The following WLS variants were observed in gnomAD, a reference collection of about 807,000 sequenced individuals.
WLS encodes Wnt ligand secretion mediator, also known as protein wntless homolog.
In WLS, 23 loss-of-function variants were observed where a neutral mutation model predicts 62.8. That is an observed-to-expected ratio of 0.37 (90% confidence interval 0.26 to 0.52). The LOEUF (loss-of-function observed/expected upper bound fraction) is 0.52, where lower values mean the gene tolerates loss of function less well. Among genes scored for constraint, WLS ranks in the 20% least tolerant of loss-of-function variants. The pLI, the probability that WLS is intolerant of heterozygous loss-of-function variation, is 0.92. For missense variants in WLS, 615 were observed against 697.3 expected (o/e 0.88, Z 1.33); for synonymous variants, 246 against 244.1 (o/e 1.01, Z -0.07).
At chr1:68,111,206 A>T (rs1314401834) in intron 11 of WLS, among the ~76,000 whole-genome samples, 1 of 152,178 alleles carries the variant, frequency 6.6e-6, no homozygotes, top group Non-Finnish European at 1.5e-5. Flanking sequence ...GCCTGAGCTA[A>T]GACAGCTTTA....
chr1:68,159,499 C>T (rs1454386627), intron 2 of WLS, among the ~76,000 whole-genome samples: 2 of 151,526 alleles, frequency 1.3e-5, no homozygotes, highest in African/African-American at 4.9e-5. Context: ...ACAGGGGCCT[C>T]ACTCTCTCTG....
chr1:68,102,986 C>CTT (rs5774906), intron 11 of WLS, among the ~76,000 whole-genome samples: 3 of 151,952 alleles, frequency 2.0e-5, no homozygotes, highest in African/African-American at 7.2e-5. Context: ...GCTCTGAACC[C>CTT]TTTTTTTTGC....
chr1:68,218,769 G>A (rs1179388721), intron 1 of WLS, among the ~76,000 whole-genome samples: 7 of 152,168 alleles, frequency 4.6e-5, no homozygotes, highest in East Asian at 1.9e-4. Flanking sequence ...AGGAATGTGC[G>A]AATGAATTCA....
chr1:68,145,481 C>T (rs1646740114), intron 9 of WLS, among the ~76,000 whole-genome samples: 1 of 152,050 alleles, frequency 6.6e-6, no homozygotes, highest in African/African-American at 2.4e-5. Context: ...GTGGGCTAAA[C>T]CCTGTTTAAT....
At chr1:68,132,583 G>A (rs1006301204) in intron 11 of WLS, among the ~76,000 whole-genome samples, 2 of 152,154 alleles carry the variant, frequency 1.3e-5, no homozygotes, top group Non-Finnish European at 2.9e-5. Context: ...CTGCCAAGAC[G>A]CGGAACCAGT....
At chr1:68,187,043 C>G (rs1647991496) in intron 2 of WLS, among the ~76,000 whole-genome samples, 1 of 151,692 alleles carries the variant, frequency 6.6e-6, no homozygotes, top group Non-Finnish European at 1.5e-5. Flanking sequence ...AACCTCATCT[C>G]TACTAAAAAT....
intron 2 of WLS, chr1:68,186,547 G>C (rs1647951390): frequency 2.2e-6 from 1 of 451,550 alleles, no homozygotes; most frequent in Non-Finnish European, 4.4e-6. Context: ...TACATATGAA[G>C]TAATATTGTT....
At chr1:68,125,222 A>G (rs1382535845), downstream of WLS, 9 of 799,318 alleles carry the variant, frequency 1.1e-5, no homozygotes, top group Admixed American at 6.2e-5. Context: ...AGAAAATGTC[A>G]CTCTTTCTCC....
At chr1:68,120,404 T>TAACA (rs1327529557), downstream of WLS, among the ~76,000 whole-genome samples, 1 of 152,236 alleles carries the variant, frequency 6.6e-6, no homozygotes, top group African/African-American at 2.4e-5. Context: ...AAGGCTGGAC[T>TAACA]AACATCTCCC....
downstream of WLS, among the ~76,000 whole-genome samples, chr1:68,121,713 G>T (rs1646365812): frequency 6.6e-6 from 1 of 152,194 alleles, no homozygotes; most frequent in African/African-American, 2.4e-5. Context: ...CTGACCAACT[G>T]CACTGACATC....
chr1:68,230,999 G>A (rs1189551956), intron 1 of WLS, among the ~76,000 whole-genome samples: 2 of 152,182 alleles, frequency 1.3e-5, no homozygotes, highest in East Asian at 3.9e-4. Flanking sequence ...CACGCGCGGA[G>A]AAAGCCCCTC....
chr1:68,192,940 CAAAAA>C (rs112624515), intron 2 of WLS, among the ~76,000 whole-genome samples: 1 of 126,740 alleles, frequency 7.9e-6, no homozygotes, highest in Non-Finnish European at 1.6e-5. Context: ...ACTAAAAATA[CAAAAA>C]AAAAAAAAAA....
chr1:68,126,437 T>C (rs1224341139), intron 11 of WLS, 102 bp from the exon 12 acceptor site: 2 of 1,470,422 alleles, frequency 1.4e-6, no homozygotes, highest in East Asian at 4.9e-5. Flanking sequence ...CTCTTTGACA[T>C]TCTGAGCACA....
At chr1:68,156,388 CAA>C (rs1163682013) in intron 3 of WLS, among the ~76,000 whole-genome samples, 2 of 152,164 alleles carry the variant, frequency 1.3e-5, no homozygotes, top group Non-Finnish European at 2.9e-5. Context: ...AAGAAGATAA[CAA>C]AGAGTCCATA....
At chr1:68,123,128 G>A, downstream of WLS, among the ~76,000 whole-genome samples, 1 of 151,964 alleles carries the variant, frequency 6.6e-6, no homozygotes, top group South Asian at 2.1e-4. Flanking sequence ...TTTTACTCTG[G>A]CTCTTCTCGG....
rs989947057 is a variant in WLS, at chr1:68,125,772, G to A, written c.*454C>T. ...AAAAAACAGTGGTCATGGATTAGGA[G>A]TGAGAAGACTATGACACCAGCCTAC... On this transcript the variant is annotated 3_prime_UTR_variant, in exon 12 of 12. Coordinates refer to ENST00000262348, the MANE Select transcript of WLS (RefSeq NM_024911.7). The A allele has an allele frequency of 2.6e-5, 26 of 989,996 alleles. No homozygotes were observed. In the East Asian group the frequency reaches 2.0e-3, roughly 76 times the overall value. 61.3% of individuals were successfully genotyped at this position (989,996 alleles called of 1,614,324 possible).
intron 5 of WLS, among the ~76,000 whole-genome samples, chr1:68,153,059 A>G (rs1646848587): frequency 6.6e-6 from 1 of 152,164 alleles, no homozygotes; most frequent in Non-Finnish European, 1.5e-5. Context: ...CGGGCAAATC[A>G]CTTGAGCTCA....
chr1:68,185,972 T>A (rs2100581494), intron 2 of WLS, among the ~76,000 whole-genome samples: 1 of 152,360 alleles, frequency 6.6e-6, no homozygotes, highest in Non-Finnish European at 1.5e-5. Flanking sequence ...CTTCTAATCA[T>A]GCCTTGGTCT....
In WLS at chr1:68,110,786, T is replaced by C. The variant is rs7531387; in HGVS notation, c.1511-12033A>G. 4.3e-3 allele frequency among the ~76,000 whole-genome samples: 649 copies of C among 152,094 alleles called. 4 individuals carry two copies. Among genetic ancestry groups the C allele is most frequent in the African/African-American group, 0.015 (613 of 41,498 alleles). On this transcript the variant is annotated intron_variant, in intron 11 of 11. Transcript: ENST00000354777. ...ATTTGCTCGATAAAGGATATTGTGT[T>C]GTAGATCATGAGTGGCTTATTCAAT...
Sources: gnomAD v4.1 joint callset for allele counts (sites outside exome capture counted in the v4.1 genomes callset) on GRCh38, gnomAD v4.1.1 for gene constraint, MANE v1.5 for transcripts, NCBI Gene and HGNC (gene_info 2026-07-23, HGNC 2026-07-21) for gene names.